The following BMAL1 variants were observed in gnomAD, a reference collection of about 807,000 sequenced individuals.
BMAL1 encodes the protein basic helix-loop-helix ARNT like 1, also known as basic helix-loop-helix ARNT-like protein 1.
the BMAL1 span, among the ~76,000 whole-genome samples, chr11:13,308,234 C>T: frequency 0.014 from 2,107 of 152,240 alleles, 50 homozygotes; most frequent in African/African-American, 0.046. Context: ...GCGGACACAA[C>T]GCTGGGAGGA....
At chr11:13,337,541 A>G in the BMAL1 span, among the ~76,000 whole-genome samples, 13 of 152,256 alleles carry the variant, frequency 8.5e-5, no homozygotes, top group Non-Finnish European at 1.9e-4. Flanking sequence ...GTCAAAAGAT[A>G]TATCAGTTTA....
At chr11:13,287,160 T>C in the BMAL1 span, among the ~76,000 whole-genome samples, 1 of 152,316 alleles carries the variant, frequency 6.6e-6, no homozygotes, top group Non-Finnish European at 1.5e-5. Context: ...AGGTTTGATA[T>C]TTAAGTGACG....
At chr11:13,347,484 A>G in the BMAL1 span, among the ~76,000 whole-genome samples, 1 of 152,166 alleles carries the variant, frequency 6.6e-6, no homozygotes, top group East Asian at 1.9e-4. Context: ...GAGTATTGGG[A>G]AAATTGATCA....
At chr11:13,282,689 G>T in the BMAL1 span, among the ~76,000 whole-genome samples, 1 of 152,214 alleles carries the variant, frequency 6.6e-6, no homozygotes, top group Non-Finnish European at 1.5e-5. Context: ...TGTCCACATT[G>T]ATTTTTCTCC....
chr11:13,350,961 G>A, the BMAL1 span, among the ~76,000 whole-genome samples: 11 of 152,152 alleles, frequency 7.2e-5, no homozygotes, highest in African/African-American at 2.7e-4. Context: ...TGAGCACTTA[G>A]TATGTACTAG....
the BMAL1 span, among the ~76,000 whole-genome samples, chr11:13,301,736 C>A: frequency 4.6e-5 from 7 of 152,306 alleles, no homozygotes; most frequent in Middle Eastern, 6.8e-3. Context: ...GTCATAGTAG[C>A]ACTTTATGGA....
At chr11:13,382,420 G>A in the BMAL1 span, among the ~76,000 whole-genome samples, 2 of 152,142 alleles carry the variant, frequency 1.3e-5, no homozygotes, top group Non-Finnish European at 2.9e-5. Flanking sequence ...CTTTGCACGA[G>A]GTCCTACTGT....
chr11:13,367,706 GAAAAAAAAAAA>G, the BMAL1 span, among the ~76,000 whole-genome samples: 2 of 86,208 alleles, frequency 2.3e-5, no homozygotes, highest in Non-Finnish European at 2.2e-5. Context: ...CTCTGTCTCA[GAAAAAAAAAAA>G]AAAAAAAAAA....
At chr11:13,374,237 G>A in the BMAL1 span, 1 of 1,581,272 alleles carries the variant, frequency 6.3e-7, no homozygotes, top group Non-Finnish European at 8.7e-7. Flanking sequence ...TAAGTTGAAA[G>A]TGTCCCCTTG....
chr11:13,301,288 T>C, the BMAL1 span, among the ~76,000 whole-genome samples: 4 of 152,230 alleles, frequency 2.6e-5, no homozygotes, highest in Non-Finnish European at 5.9e-5. Flanking sequence ...AGACTTGGGC[T>C]GTAAGCTTTG....
the BMAL1 span, among the ~76,000 whole-genome samples, chr11:13,313,715 C>T: frequency 6.6e-6 from 1 of 152,170 alleles, no homozygotes; most frequent in Non-Finnish European, 1.5e-5. Context: ...CTCCCTCATT[C>T]CACTGCCCAC....
At chr11:13,337,123 G>A in the BMAL1 span, among the ~76,000 whole-genome samples, 1 of 152,246 alleles carries the variant, frequency 6.6e-6, no homozygotes, top group East Asian at 1.9e-4. Context: ...ATTTTGGTTT[G>A]TTTCCTTTCA....
At chr11:13,285,655 T>C in the BMAL1 span, among the ~76,000 whole-genome samples, 1 of 152,180 alleles carries the variant, frequency 6.6e-6, no homozygotes, top group African/African-American at 2.4e-5. Flanking sequence ...AAGTAAAGGC[T>C]AGTGTGACTC....
the BMAL1 span, among the ~76,000 whole-genome samples, chr11:13,281,194 C>G: frequency 6.6e-6 from 1 of 152,144 alleles, no homozygotes; most frequent in Non-Finnish European, 1.5e-5. Context: ...TCTCCCCTGC[C>G]CCACCCTGAA....
At chr11:13,350,383 G>T in the BMAL1 span, among the ~76,000 whole-genome samples, 14 of 152,170 alleles carry the variant, frequency 9.2e-5, no homozygotes, top group African/African-American at 2.9e-4. Flanking sequence ...ACCCAACAGG[G>T]TCTTTAATAT....
At chr11:13,355,062 C>T in the BMAL1 span, 1 of 555,538 alleles carries the variant, frequency 1.8e-6, no homozygotes, top group Admixed American at 3.0e-5. Flanking sequence ...GTACAAACAC[C>T]TAGGGAATAA....
the BMAL1 span, chr11:13,358,351 A>T: frequency 7.2e-7 from 1 of 1,387,152 alleles, no homozygotes; most frequent in Non-Finnish European, 9.5e-7. Context: ...CATTGAAAAC[A>T]GTTACAACTC....
the BMAL1 span, among the ~76,000 whole-genome samples, chr11:13,294,050 C>T: frequency 1.3e-5 from 2 of 152,126 alleles, no homozygotes; most frequent in Non-Finnish European, 2.9e-5. Flanking sequence ...TCTTCTGGGC[C>T]TAGCAATAGT....
the BMAL1 span, among the ~76,000 whole-genome samples, chr11:13,374,402 C>T: frequency 6.6e-6 from 1 of 152,188 alleles, no homozygotes; most frequent in Non-Finnish European, 1.5e-5. Context: ...CCTGTGCTGA[C>T]TGCATGGCAG....
Sources: allele counts gnomAD v4.1 joint callset (sites outside exome capture counted in the v4.1 genomes callset), GRCh38; gene constraint gnomAD v4.1.1; transcripts MANE v1.5; gene names NCBI Gene and HGNC (gene_info 2026-07-23, HGNC 2026-07-21).